The following SLC9B1 variants were observed in gnomAD, a reference collection of about 807,000 sequenced individuals.
SLC9B1 encodes sodium/hydrogen exchanger 9B1.
A neutral mutation model predicts 51.7 loss-of-function variants in SLC9B1; 32 were observed. The ratio of observed to expected loss-of-function variants is 0.62; its 90% CI spans 0.47 to 0.83. The LOEUF is 0.83. Among genes scored for constraint, SLC9B1 ranks in the 40% least tolerant of loss-of-function variants. The pLI is 0.00. For synonymous variants in SLC9B1, 145 were observed against 212.7 expected, an observed-to-expected ratio of 0.68 and a Z score of 2.77; for missense variants, 406 against 613.2, an observed-to-expected ratio of 0.66 and a Z score of 3.57.
intron 3 of SLC9B1, among the ~76,000 whole-genome samples, chr4:102,979,907 CA>C (rs1422242875): frequency 6.6e-6 from 1 of 151,766 alleles, no homozygotes; most frequent in Non-Finnish European, 1.5e-5. Flanking sequence ...AGAAAAAAAA[CA>C]AACAACCCCA....
At chr4:102,946,078 T>A (rs1460983180) in intron 5 of SLC9B1, among the ~76,000 whole-genome samples, 1 of 152,214 alleles carries the variant, frequency 6.6e-6, no homozygotes, top group African/African-American at 2.4e-5. Flanking sequence ...ATAAGGTTTT[T>A]CTTATCCTAT....
chr4:102,960,029 C>A (rs1389239802), intron 3 of SLC9B1, among the ~76,000 whole-genome samples: 1 of 151,222 alleles, frequency 6.6e-6, no homozygotes, highest in Non-Finnish European at 1.5e-5. Flanking sequence ...AACAAAAAAA[C>A]CACATCTGTT....
rs553465560 is a variant in SLC9B1 at position 102,941,893 on chromosome 4, T to C, written c.653+3300A>G. On this transcript the variant is annotated intron_variant, in intron 6 of 11. Coordinates refer to ENST00000296422, the MANE Select transcript of SLC9B1 (RefSeq NM_139173.4). ...GTTGCTATTCATGATTATATGATCATATAATGAGAAAACCCTAAAGACTCA... is the reference window on the plus strand; with the variant it reads ...GTTGCTATTCATGATTATATGATCACATAATGAGAAAACCCTAAAGACTCA... Among the ~76,000 whole-genome samples the C allele has an allele frequency of 6.6e-4, 101 of 152,180 alleles. No homozygotes were observed. In the South Asian group the frequency reaches 0.014, roughly 22 times the overall value.
chr4:103,007,553 G>C (rs1740848809), intron 1 of SLC9B1, among the ~76,000 whole-genome samples: 1 of 150,354 alleles, frequency 6.7e-6, no homozygotes, highest in African/African-American at 2.5e-5. Flanking sequence ...GAAATATACT[G>C]GTTGTATGAT....
At chr4:102,977,979 C>T (rs1275019612) in intron 3 of SLC9B1, among the ~76,000 whole-genome samples, 1 of 152,104 alleles carries the variant, frequency 6.6e-6, no homozygotes, top group Non-Finnish European at 1.5e-5. Flanking sequence ...CCACAACCAT[C>T]CCTGGTGTGT....
intron 2 of SLC9B1, among the ~76,000 whole-genome samples, chr4:102,990,991 T>G (rs1448431197): frequency 1.3e-5 from 2 of 152,104 alleles, no homozygotes; most frequent in Non-Finnish European, 2.9e-5. Flanking sequence ...GAATTTTTAT[T>G]AAGGTGGGTG....
downstream of SLC9B1, among the ~76,000 whole-genome samples, chr4:102,896,200 T>C (rs932730429): frequency 5.9e-5 from 9 of 152,124 alleles, no homozygotes; most frequent in African/African-American, 1.7e-4. Flanking sequence ...TCTCTGATCC[T>C]TTCCTCCCTC....
downstream of SLC9B1, chr4:102,897,736 C>A (rs1027088250): frequency 5.0e-5 from 24 of 476,008 alleles, no homozygotes; most frequent in Admixed American, 2.9e-4. Context: ...TAGTAAGAGA[C>A]CAGCTTCTTC....
chr4:102,918,624 A>G (rs146559137), intron 7 of SLC9B1, among the ~76,000 whole-genome samples: 2 of 151,750 alleles, frequency 1.3e-5, no homozygotes. Flanking sequence ...ATGAAGTCAT[A>G]GCCCTCAGAA....
chr4:102,913,396 G>A (rs973537346), intron 7 of SLC9B1, among the ~76,000 whole-genome samples: 1 of 152,114 alleles, frequency 6.6e-6, no homozygotes. Context: ...ATGTTGCAAT[G>A]TATAAACCCA....
intron 1 of SLC9B1, among the ~76,000 whole-genome samples, chr4:103,000,845 G>A (rs1460826823): frequency 1.3e-5 from 2 of 152,208 alleles, no homozygotes; most frequent in Non-Finnish European, 2.9e-5. Flanking sequence ...CTGGTGTCTG[G>A]AGAATGATGG....
intron 7 of SLC9B1, among the ~76,000 whole-genome samples, chr4:102,922,794 TACA>T (rs1735949512): frequency 6.6e-6 from 1 of 152,134 alleles, no homozygotes; most frequent in African/African-American, 2.4e-5. Context: ...GCAAATAAAC[TACA>T]ACATCTAGAA....
chr4:102,901,385 T>C lies in SLC9B1; in HGVS notation c.1333-53A>G, dbSNP rs1734786966. ...AAAGAAAAATATTAAACTGAGTTGATATATAATGTAAATGGCTCTGTTAAA... is the reference window on the plus strand; with the variant it reads ...AAAGAAAAATATTAAACTGAGTTGACATATAATGTAAATGGCTCTGTTAAA... On this transcript the variant is annotated intron_variant, in intron 11 of 11. Transcript: ENST00000296422. 4.4e-6 allele frequency: 7 copies of C among 1,593,120 alleles called. No individual in the cohort carries two copies. The South Asian group carries it at 7.8e-5, about 18-fold the overall frequency.
chr4:102,996,706 C>T (rs1740240544), intron 1 of SLC9B1, among the ~76,000 whole-genome samples: 1 of 152,062 alleles, frequency 6.6e-6, no homozygotes, highest in East Asian at 1.9e-4. Context: ...ATCAGGTAAT[C>T]ACACATATAT....
At chr4:102,932,002 A>G in intron 7 of SLC9B1, 122 bp downstream of exon 7, 1 of 901,586 alleles carries the variant, frequency 1.1e-6, no homozygotes. Flanking sequence ...TATGGAGATT[A>G]AAAAGATGTT....
chr4:102,991,787 T>A, intron 1 of SLC9B1, 75 bp from the exon 2 acceptor site: 1 of 1,036,044 alleles, frequency 9.7e-7, no homozygotes, highest in Admixed American at 3.1e-5. Context: ...CATGGTTAAG[T>A]GGGATTAATT....
chr4:102,980,727 T>A (rs1305551297), intron 3 of SLC9B1, among the ~76,000 whole-genome samples: 1 of 152,044 alleles, frequency 6.6e-6, no homozygotes, highest in Non-Finnish European at 1.5e-5. Flanking sequence ...ATATGTACCC[T>A]GGAACTTAAA....
chr4:103,019,432 ATGTC>A, intron 1 of SLC9B1, among the ~76,000 whole-genome samples, 163 bp downstream of exon 1: 1 of 152,342 alleles, frequency 6.6e-6, no homozygotes, highest in African/African-American at 2.4e-5. Flanking sequence ...AGGAGAGACA[ATGTC>A]TGTGGCTGTT....
chr4:102,958,422 T>G (rs1314723950), intron 3 of SLC9B1, among the ~76,000 whole-genome samples: 4 of 152,192 alleles, frequency 2.6e-5, no homozygotes, highest in African/African-American at 9.7e-5. Flanking sequence ...TTAAACCACT[T>G]ATAAATTATC....
Sources: allele counts gnomAD v4.1 joint callset (sites outside exome capture counted in the v4.1 genomes callset), GRCh38; gene constraint gnomAD v4.1.1; transcripts MANE v1.5; gene names NCBI Gene and HGNC (gene_info 2026-07-23, HGNC 2026-07-21).